Variants in RNF213 observed in about 807,000 individuals in gnomAD.
RNF213 encodes E3 ubiquitin-protein ligase RNF213.
Under a neutral mutation model 514.4 loss-of-function variants are expected in RNF213, and 341 were observed. That is an observed-to-expected ratio of 0.66 (90% CI 0.61 to 0.73). The LOEUF is 0.73. Ranked by LOEUF, RNF213 falls within the 30% of genes least tolerant of loss-of-function variation. RNF213 has a pLI of 0.00. For missense variants in RNF213, 5,767 were observed against 6,615.6 expected, an observed-to-expected ratio of 0.87 and a Z score of 4.45; for synonymous variants, 2,655 against 2,658.2, an observed-to-expected ratio of 1.00 and a Z score of 0.04.
At chr17:80,284,151 G>A (rs2044391626) in intron 3 of RNF213, among the ~76,000 whole-genome samples, 1 of 151,794 alleles carries the variant, frequency 6.6e-6, no homozygotes, top group African/African-American at 2.4e-5. Context: ...CCTGAGGTCA[G>A]TTCAAGACCA....
intron 8 of RNF213, among the ~76,000 whole-genome samples, chr17:80,292,621 G>A (rs1338631806): frequency 1.1e-4 from 17 of 151,894 alleles, no homozygotes; most frequent in Admixed American, 6.6e-5. Flanking sequence ...GTCAATAGAC[G>A]CGGGCGCTTC....
intron 42 of RNF213, chr17:80,365,003 G>A (rs2079204570): frequency 4.1e-6 from 1 of 244,546 alleles, no homozygotes; most frequent in Non-Finnish European, 8.2e-6. Flanking sequence ...CCAAGGAACA[G>A]GAAGCCACCA....
chr17:80,295,870 T>C (rs1385891787), intron 10 of RNF213, 57 bp downstream of exon 10: 3 of 1,596,182 alleles, frequency 1.9e-6, no homozygotes, highest in Non-Finnish European at 2.6e-6. Context: ...TTTTCTCTGA[T>C]TGCAAAAATA....
chr17:80,394,320 C>G lies in RNF213; in HGVS notation c.*822C>G, dbSNP rs1185338858. 1 of 152,208 alleles carries G rather than the reference C, an allele frequency of 6.6e-6. No homozygotes were observed. The highest frequency in any genetic ancestry group is 6.5e-5 in the Admixed American group (1 of 15,286). 9.4% of individuals were successfully genotyped at this position (152,208 alleles called of 1,614,324 possible). Reference sequence around the variant, plus strand: ...CTGGCAGTTCTTTGCGGACTTTTTTCTAGCATTATGCCAAATAAACATGCA... The same window carrying G: ...CTGGCAGTTCTTTGCGGACTTTTTTGTAGCATTATGCCAAATAAACATGCA... On this transcript the variant is annotated 3_prime_UTR_variant, in exon 68 of 68. Coordinates refer to ENST00000582970, the MANE Select transcript of RNF213 (RefSeq NM_001256071.3).
At position 80,353,654 on chromosome 17, in the gene RNF213, CGGA is replaced by C; in HGVS notation, c.10569_10571del (p.Gly3524del). The C allele has an allele frequency of 6.2e-7, 1 of 1,614,156 alleles. No homozygotes were observed. On this transcript the variant is annotated inframe_deletion, in exon 34 of 68. Coordinates refer to ENST00000582970, the MANE Select transcript of RNF213 (RefSeq NM_001256071.3). The surrounding 1 kb of genome is among the most constrained non-coding windows in gnomAD (Gnocchi z 5.0). ...AGGTGGGAAAGGAAACCTCTGAACT[CGGA>C]GGCAGTGATGTAAGTTCTGGTTCTT...
intron 6 of RNF213, 111 bp from the exon 7 acceptor site, chr17:80,290,459 A>ACG (rs2044672210): frequency 7.0e-6 from 9 of 1,289,294 alleles, no homozygotes; most frequent in South Asian, 1.2e-5. Context: ...GTGCGAGTGC[A>ACG]TGTGTGTGTG....
chr17:80,385,449 G>A, intron 60 of RNF213, 89 bp from the exon 61 acceptor site: 1 of 1,163,130 alleles, frequency 8.6e-7, no homozygotes, highest in Non-Finnish European at 1.3e-6. Context: ...CAGGAAAGAT[G>A]GGCTCTCGGC....
At chr17:80,367,649 C>T (rs150014425) in intron 42 of RNF213, 99 bp from the exon 43 acceptor site, 14 of 872,622 alleles carry the variant, frequency 1.6e-5, no homozygotes, top group East Asian at 7.5e-5. Context: ...ACACACACGG[C>T]GCAGCCTTGG....
intron 14 of RNF213, 75 bp from the exon 15 acceptor site, chr17:80,312,937 A>AGG (rs2045620291): frequency 1.3e-6 from 2 of 1,551,494 alleles, no homozygotes; most frequent in South Asian, 2.2e-5. Flanking sequence ...GGAGGAGAGG[A>AGG]GGGGGTGCAG....
At chr17:80,266,132 G>A (rs1356324406) in intron 2 of RNF213, among the ~76,000 whole-genome samples, 1 of 152,044 alleles carries the variant, frequency 6.6e-6, no homozygotes, top group Non-Finnish European at 1.5e-5. Flanking sequence ...TTGGTTGGCT[G>A]AAACATGGAT....
At position 80,396,442 on chromosome 17, in the gene RNF213, C is replaced by T. The variant is rs2080663167; in HGVS notation, c.*2944C>T. 6.6e-6 allele frequency: 1 copy of T among 152,094 alleles called. No homozygotes were observed. The highest frequency in any genetic ancestry group is 2.1e-4 in the South Asian group (1 of 4,826). 9.4% of individuals were successfully genotyped at this position (152,094 alleles called of 1,614,324 possible). A position where few individuals can be genotyped will look rare whatever the true frequency, so the allele number is the denominator to read the frequency against. On this transcript the variant is annotated 3_prime_UTR_variant, in exon 68 of 68. Transcript: ENST00000582970. ...GTGATAAATATTGGGAAGAAAATGTCAGCTCAGGGCCAAGTAGGTAAAGCC... is the reference window on the plus strand; with the variant it reads ...GTGATAAATATTGGGAAGAAAATGTTAGCTCAGGGCCAAGTAGGTAAAGCC...
In RNF213 at chr17:80,267,905, C is replaced by T. The variant is rs567870528; in HGVS notation, c.97+4127C>T. Among the ~76,000 whole-genome samples, 131 of 151,710 alleles carry T rather than the reference C, an allele frequency of 8.6e-4. 4 individuals carry two copies. In the South Asian group the frequency reaches 0.024, roughly 28 times the overall value. Reference sequence around the variant, plus strand: ...CTGGTCCTCAGCTCACTGCAACCTCCGCCTCCCAGGTTCAAGCAATTCTCC... The same window carrying T: ...CTGGTCCTCAGCTCACTGCAACCTCTGCCTCCCAGGTTCAAGCAATTCTCC... On this transcript the variant is annotated intron_variant, in intron 2 of 67. Transcript: ENST00000582970.
At chr17:80,278,787 A>G in intron 3 of RNF213, 1 of 1,537,148 alleles carries the variant, frequency 6.5e-7, no homozygotes, top group Non-Finnish European at 8.7e-7. Context: ...AGGTTTTGGT[A>G]GATGCTGCTG....
At position 80,377,749 on chromosome 17, in the gene RNF213, G is replaced by A. The variant is rs200810647; in HGVS notation, c.13511-13G>A. ...AACCTCATTAGCCAATGTGTGTCCT[G>A]TTCTCTTCACAGCTTGTCCCAACGG... On this transcript the variant is annotated splice_polypyrimidine_tract_variant and intron_variant, in intron 53 of 67. Transcript: ENST00000582970. This position sits in a 1 kb window ranked among gnomAD's most constrained non-coding sequence, Gnocchi z 4.1. 31 of 1,614,046 alleles carry A rather than the reference G, an allele frequency of 1.9e-5. No individual in the cohort carries two copies. The highest frequency in any genetic ancestry group is 4.0e-5 in the African/African-American group (3 of 74,924).
chr17:80,394,966 A>C lies in RNF213; in HGVS notation c.*1468A>C, dbSNP rs1317899964. The C allele has an allele frequency of 6.6e-6, 1 of 151,884 alleles. No individual in the cohort carries two copies. Among genetic ancestry groups the C allele is most frequent in the East Asian group, 1.9e-4 (1 of 5,144 alleles). 9.4% of individuals were successfully genotyped at this position (151,884 alleles called of 1,614,324 possible). ...TGGGGGCCGGGGGCTGGCTTGCTGAAGTCTTCAACTTGCACTCGGAGCTCC... is the reference window on the plus strand; with the variant it reads ...TGGGGGCCGGGGGCTGGCTTGCTGACGTCTTCAACTTGCACTCGGAGCTCC... On this transcript the variant is annotated 3_prime_UTR_variant, in exon 68 of 68. Transcript: ENST00000582970.
Position 80,320,099 on chromosome 17 carries a change from TG to T in RNF213, c.3024+788del, listed in dbSNP as rs2046088964. 15 of 765,768 alleles carry T rather than the reference TG, an allele frequency of 2.0e-5. No individual in the cohort carries two copies. The South Asian group carries it at 5.0e-4, about 25-fold the overall frequency. The allele number at this position is 765,768 out of a possible 1,614,324, so 47.4% of individuals were successfully genotyped here. On this transcript the variant is annotated intron_variant, in intron 17 of 67. Transcript: ENST00000582970. The stretch of plus-strand genomic sequence containing the variant: ...GCAGGTTTTGGGGTAGTCACAGATA[TG>T]TACAGTCATCACCACAGTTAATGAC...
chr17:80,313,059 A>C lies in RNF213; in HGVS notation c.2703A>C (p.Thr901=), dbSNP rs747899210. Residue 901 remains threonine (T), a synonymous_variant, in exon 15 of 68, where the codon ACA becomes ACC. Transcript: ENST00000582970. The part of the protein sequence containing the change: ...RDETGNNSVQ[T]VFQGTLAATK... Reference sequence around the variant, plus strand: ...AAACTGGAAATAATTCAGTCCAAACAGTCTTCCAAGGGACCCTTGCTGCTA... The same window carrying C: ...AAACTGGAAATAATTCAGTCCAAACCGTCTTCCAAGGGACCCTTGCTGCTA... 2.5e-6 allele frequency: 4 copies of C among 1,614,088 alleles called. No individual in the cohort carries two copies. Among genetic ancestry groups the C allele is most frequent in the Non-Finnish European group, 3.4e-6 (4 of 1,180,050 alleles).
At chr17:80,326,766 T>A (rs989415629) in intron 18 of RNF213, among the ~76,000 whole-genome samples, 1 of 152,222 alleles carries the variant, frequency 6.6e-6, no homozygotes, top group South Asian at 2.1e-4. Flanking sequence ...AATATTCTAT[T>A]GTATGGATGT....
At chr17:80,379,337 G>A (rs1194066042) in intron 54 of RNF213, 1 of 453,428 alleles carries the variant, frequency 2.2e-6, no homozygotes, top group Non-Finnish European at 4.1e-6. Flanking sequence ...TACAAGAAAG[G>A]AAGGTTGAAT....
Sources: allele counts gnomAD v4.1 joint callset (sites outside exome capture counted in the v4.1 genomes callset), GRCh38; gene constraint gnomAD v4.1.1; non-coding constraint Gnocchi (gnomAD v3.1); transcripts MANE v1.5; gene names NCBI Gene and HGNC (gene_info 2026-07-23, HGNC 2026-07-21).